The following PRKD1 variants were observed in gnomAD, a reference collection of about 807,000 sequenced individuals.
The protein encoded by PRKD1 is serine/threonine-protein kinase D1.
A neutral mutation model predicts 95.9 loss-of-function variants in PRKD1; 63 were observed. The ratio of observed to expected loss-of-function variants is 0.66; its 90% CI spans 0.54 to 0.81. The LOEUF is 0.81. Ranked by LOEUF, PRKD1 falls within the 30% of genes least tolerant of loss-of-function variation. PRKD1 has a pLI of 0.00. For missense variants in PRKD1, 1,048 were observed against 1,165.3 expected (o/e 0.90, Z 1.47); for synonymous variants, 425 against 423.1 (o/e 1.00, Z -0.05).
At chr14:29,902,912 A>G (rs750722910) in intron 1 of PRKD1, among the ~76,000 whole-genome samples, 10 of 152,360 alleles carry the variant, frequency 6.6e-5, no homozygotes, top group South Asian at 2.1e-4. Context: ...GAATTTGTTT[A>G]TATTTTAACT....
intron 1 of PRKD1, among the ~76,000 whole-genome samples, chr14:29,798,209 T>A (rs1056042309): frequency 1.3e-5 from 2 of 152,276 alleles, no homozygotes; most frequent in South Asian, 4.1e-4. Context: ...TGCCCCTATA[T>A]TTTTTTCTTT....
intron 1 of PRKD1, among the ~76,000 whole-genome samples, chr14:29,900,725 G>GA (rs1385170835): frequency 5.9e-5 from 9 of 152,138 alleles, no homozygotes; most frequent in African/African-American, 1.4e-4. Flanking sequence ...ACAAACATAA[G>GA]AAAAAATGCT....
At chr14:29,869,249 C>G (rs1594590124) in intron 1 of PRKD1, among the ~76,000 whole-genome samples, 1 of 152,114 alleles carries the variant, frequency 6.6e-6, no homozygotes, top group Non-Finnish European at 1.5e-5. Flanking sequence ...TTGAGACCAG[C>G]CTGGCCAACA....
chr14:29,687,152 A>G (rs1458583584), intron 2 of PRKD1, among the ~76,000 whole-genome samples: 2 of 152,210 alleles, frequency 1.3e-5, no homozygotes, highest in African/African-American at 4.8e-5. Flanking sequence ...AAAAAAAAGA[A>G]AAAAACAGAA....
intron 1 of PRKD1, among the ~76,000 whole-genome samples, chr14:29,771,257 T>C (rs1888495947): frequency 6.6e-6 from 1 of 152,132 alleles, no homozygotes; most frequent in Admixed American, 6.6e-5. Flanking sequence ...GATGGACGAA[T>C]GGCCCCAGCT....
Position 29,636,402 on chromosome 14 carries a change from T to C in PRKD1, c.1078A>G (p.Met360Val). Residue 360 changes from methionine to valine, a missense_variant, in exon 7 of 18, where the codon ATG (methionine) becomes GTG (valine). Physicochemically the swap from Met to Val is conservative, Grantham distance 21. Around this residue, in one of 3 missense-constraint regions of PRKD1, gnomAD observed 739 missense variants for 861.9 expected, o/e 0.86. Transcript: ENST00000331968. ...GCATCTTGGACCATTGCTTCTTCCA[T>C]ATCATCCATGAGCCCACTGTTCCTT... Reference protein sequence around the residue: ...SERNSGLMDDMEEAMVQDAEM... With the variant: ...SERNSGLMDDVEEAMVQDAEM... 1.9e-6 allele frequency: 3 copies of C among 1,614,176 alleles called. No homozygotes were observed. The highest frequency in any genetic ancestry group is 1.1e-5 in the South Asian group (1 of 91,088).
chr14:29,802,531 A>T (rs1392442025), intron 1 of PRKD1, among the ~76,000 whole-genome samples: 5 of 152,244 alleles, frequency 3.3e-5, no homozygotes, highest in Non-Finnish European at 5.9e-5. Flanking sequence ...AAGGATAGGA[A>T]GTTGCTAAAT....
In PRKD1 at chr14:29,586,663, C is replaced by T. The variant is rs570971310; in HGVS notation, c.2435-8303G>A. Among the ~76,000 whole-genome samples, 4 of 152,056 alleles carry T rather than the reference C, an allele frequency of 2.6e-5. No individual in the cohort carries two copies. In the South Asian group the frequency reaches 6.2e-4, roughly 24 times the overall value. ...CCTTTTTTTGTTTGTTTTTTTGAGA[C>T]GGAGTTTTGCTCTTGTTGCCCAGGC... is the stretch of plus-strand genomic sequence containing the variant. On this transcript the variant is annotated intron_variant, in intron 16 of 17. Transcript: ENST00000331968.
At chr14:29,843,546 CAATGGAGAGAAA>C (rs1891953695) in intron 1 of PRKD1, among the ~76,000 whole-genome samples, 1 of 152,132 alleles carries the variant, frequency 6.6e-6, no homozygotes, top group Admixed American at 6.5e-5. Flanking sequence ...CTAAAACCAC[CAATGGAGAGAAA>C]ATTCTAAATG....
intron 16 of PRKD1, among the ~76,000 whole-genome samples, chr14:29,593,747 G>C (rs541801563): frequency 2.6e-5 from 4 of 152,294 alleles, no homozygotes; most frequent in African/African-American, 9.6e-5. Flanking sequence ...AGTTGTGTGA[G>C]CCAATAAAGT....
intron 1 of PRKD1, among the ~76,000 whole-genome samples, chr14:29,879,974 C>G (rs962243896): frequency 1.3e-5 from 2 of 152,102 alleles, no homozygotes; most frequent in Non-Finnish European, 2.9e-5. Context: ...TAAACACATT[C>G]CATTTTAAAA....
At position 29,577,418 on chromosome 14, in the gene PRKD1, G is replaced by A. The variant is rs1270676475; in HGVS notation, c.2559C>T (p.Cys853=). 2.5e-6 allele frequency: 4 copies of A among 1,613,588 alleles called. No individual in the cohort carries two copies. The highest frequency in any genetic ancestry group is 4.5e-5 in the East Asian group (2 of 44,870). The change falls in exon 18 of 18, where the codon TGC becomes TGT. Residue 853 remains cysteine (C), a synonymous_variant. Transcript: ENST00000331968. The part of the protein sequence containing the change: ...QTWLDLRELE[C]KIGERYITHE... ...GGGTGATGTAGCGCTCCCCGATTTT[G>A]CATTCCAGCTCTCGCAAATCTAACC...
At chr14:29,639,473 G>T (rs1254012104) in intron 4 of PRKD1, among the ~76,000 whole-genome samples, 1 of 152,006 alleles carries the variant, frequency 6.6e-6, no homozygotes, top group East Asian at 1.9e-4. Flanking sequence ...ACAAAAATTA[G>T]CTGGGTGTGG....
At chr14:29,703,102 C>T (rs142640118) in intron 2 of PRKD1, among the ~76,000 whole-genome samples, 287 of 152,146 alleles carry the variant, frequency 1.9e-3, no homozygotes, top group Middle Eastern at 6.8e-3. Flanking sequence ...AGGTTTTTGA[C>T]CATTCTTTGT....
intron 1 of PRKD1, among the ~76,000 whole-genome samples, chr14:29,759,460 C>T (rs1887871927): frequency 1.3e-5 from 2 of 152,294 alleles, no homozygotes; most frequent in Middle Eastern, 3.4e-3. Flanking sequence ...TATCTTCATA[C>T]TTCAGATAAC....
chr14:29,923,051 C>T (rs764445710), intron 1 of PRKD1, among the ~76,000 whole-genome samples: 1 of 151,548 alleles, frequency 6.6e-6, no homozygotes, highest in Non-Finnish European at 1.5e-5. Context: ...GGCAATATGG[C>T]AAAATACCAT....
chr14:29,701,516 G>T (rs903645593), intron 2 of PRKD1, among the ~76,000 whole-genome samples: 2 of 152,058 alleles, frequency 1.3e-5, no homozygotes, highest in South Asian at 4.1e-4. Flanking sequence ...TCATAAATTA[G>T]TGCTATTTGG....
chr14:29,756,905 TA>T (rs1887727028), intron 1 of PRKD1, among the ~76,000 whole-genome samples: 1 of 152,256 alleles, frequency 6.6e-6, no homozygotes, highest in Non-Finnish European at 1.5e-5. Flanking sequence ...GACCTCTTTC[TA>T]TGTGTCTTTT....
At chr14:29,731,720 C>G (rs1886444250) in intron 1 of PRKD1, among the ~76,000 whole-genome samples, 1 of 152,126 alleles carries the variant, frequency 6.6e-6, no homozygotes, top group South Asian at 2.1e-4. Context: ...TCTTGTCCTT[C>G]ATGAACATAT....
Sources: allele counts gnomAD v4.1 joint callset (sites outside exome capture counted in the v4.1 genomes callset), GRCh38; gene constraint gnomAD v4.1.1; regional missense constraint gnomAD v4.1.1; transcripts MANE v1.5; gene names NCBI Gene and HGNC (gene_info 2026-07-23, HGNC 2026-07-21).